NR6A1: variants seen among roughly 807,000 people sequenced by gnomAD.
NR6A1 encodes the protein nuclear receptor subfamily 6 group A member 1, also known as retinoic acid receptor-related testis-associated receptor.
NR6A1 carries 7 observed loss-of-function variants against 59.1 expected under a neutral mutation model. That is an observed-to-expected ratio of 0.12 (90% CI 0.07 to 0.22). The LOEUF is 0.22. Ranked by LOEUF, NR6A1 falls within the 10% of genes least tolerant of loss-of-function variation. NR6A1 has a pLI of 1.00. For missense variants in NR6A1, 468 were observed against 611.6 expected, an observed-to-expected ratio of 0.77 and a Z score of 2.48; for synonymous variants, 243 against 236.1, an observed-to-expected ratio of 1.03 and a Z score of -0.27.
At chr9:124,724,920 A>C (rs142607629) in intron 2 of NR6A1, among the ~76,000 whole-genome samples, 2 of 152,340 alleles carry the variant, frequency 1.3e-5, no homozygotes, top group East Asian at 3.9e-4. Context: ...ATGGGACAGA[A>C]ATCAGAGCAA....
chr9:124,654,500 A>G (rs1279680516), intron 2 of NR6A1, among the ~76,000 whole-genome samples: 1 of 152,112 alleles, frequency 6.6e-6, no homozygotes, highest in Non-Finnish European at 1.5e-5. Context: ...CCTCAAGCAC[A>G]CTAAGCTCAA....
At chr9:124,623,291 GAAGGA>G (rs1372144559) in intron 2 of NR6A1, among the ~76,000 whole-genome samples, 3 of 152,074 alleles carry the variant, frequency 2.0e-5, no homozygotes, top group Non-Finnish European at 4.4e-5. Context: ...AAAGAGCTAG[GAAGGA>G]AAGGAGATTC....
At chr9:124,737,051 C>T (rs1276579470) in intron 1 of NR6A1, among the ~76,000 whole-genome samples, 1 of 152,088 alleles carries the variant, frequency 6.6e-6, no homozygotes, top group Non-Finnish European at 1.5e-5. Flanking sequence ...GGATGGAACC[C>T]TAATATCACT....
intron 3 of NR6A1, 48 bp from the exon 4 acceptor site, chr9:124,543,905 T>C (rs1833519105): frequency 5.9e-6 from 9 of 1,530,716 alleles, no homozygotes; most frequent in Non-Finnish European, 7.2e-6. Flanking sequence ...CACACTCATA[T>C]AAGTCTTAGC....
intron 2 of NR6A1, among the ~76,000 whole-genome samples, chr9:124,696,307 G>A (rs1838758334): frequency 6.6e-6 from 1 of 152,092 alleles, no homozygotes. Flanking sequence ...AAGTTAGCAG[G>A]GGTAGAACTG....
chr9:124,589,566 T>G (rs1835048136), intron 2 of NR6A1, among the ~76,000 whole-genome samples: 1 of 152,280 alleles, frequency 6.6e-6, no homozygotes, highest in Non-Finnish European at 1.5e-5. Flanking sequence ...TACCACCTAC[T>G]GGTTGCCAAG....
At chr9:124,724,938 A>G (rs1003340394) in intron 2 of NR6A1, among the ~76,000 whole-genome samples, 1 of 152,228 alleles carries the variant, frequency 6.6e-6, no homozygotes, top group Non-Finnish European at 1.5e-5. Flanking sequence ...CAAGTCCTGA[A>G]GTCACAGGTC....
chr9:124,627,289 T>C (rs1345632998), intron 2 of NR6A1, among the ~76,000 whole-genome samples: 1 of 152,150 alleles, frequency 6.6e-6, no homozygotes, highest in East Asian at 1.9e-4. Context: ...AACTACAGGA[T>C]AGCCATATTA....
At chr9:124,595,776 T>G (rs1835254784) in intron 2 of NR6A1, 2 of 1,289,212 alleles carry the variant, frequency 1.6e-6, no homozygotes, top group Non-Finnish European at 2.0e-6. Context: ...TCATGCTTCT[T>G]GTAGTCTGCT....
intron 2 of NR6A1, among the ~76,000 whole-genome samples, chr9:124,600,475 A>G (rs1835415670): frequency 6.6e-6 from 1 of 152,226 alleles, no homozygotes; most frequent in South Asian, 2.1e-4. Context: ...ATTGGAAACT[A>G]AAATAAAATA....
intron 1 of NR6A1, among the ~76,000 whole-genome samples, chr9:124,748,773 G>T (rs938538998): frequency 2.6e-5 from 4 of 151,786 alleles, no homozygotes; most frequent in African/African-American, 7.3e-5. Flanking sequence ...GCTGAGGCAG[G>T]AGAATGGCAT....
intron 2 of NR6A1, among the ~76,000 whole-genome samples, chr9:124,630,040 AAGAG>A (rs974886426): frequency 3.2e-4 from 49 of 152,210 alleles, no homozygotes; most frequent in African/African-American, 1.1e-3. Context: ...ACATGTTATC[AAGAG>A]AGAAAGTAAT....
At chr9:124,581,541 G>A (rs572242744) in intron 2 of NR6A1, among the ~76,000 whole-genome samples, 20 of 152,198 alleles carry the variant, frequency 1.3e-4, no homozygotes, top group East Asian at 1.2e-3. Context: ...GCAGTGAGCC[G>A]AGATCACGCC....
chr9:124,535,983 T>C lies in NR6A1; in HGVS notation c.974A>G (p.Gln325Arg), dbSNP rs147044555. 1.9e-5 allele frequency: 30 copies of C among 1,614,198 alleles called. No individual in the cohort carries two copies. The African/African-American group carries it at 3.9e-4, about 21-fold the overall frequency. Residue 325 changes from glutamine (Q) to arginine (R), a missense_variant, in exon 7 of 10, where the codon CAG becomes CGG. Coordinates refer to ENST00000487099, the MANE Select transcript of NR6A1 (RefSeq NM_033334.4). ...DYTCLLSSTW[Q>R]ELILLSSLTV... ...GAGGGAAGACAGCAGGATTAGCTCC[T>C]GCCACGTAGAGCTCAAGAGGCACGT...
chr9:124,732,456 A>G (rs1227926918), intron 2 of NR6A1, among the ~76,000 whole-genome samples: 1 of 152,226 alleles, frequency 6.6e-6, no homozygotes, highest in Non-Finnish European at 1.5e-5. Context: ...AATGCAAATG[A>G]TTATCTATGA....
intron 3 of NR6A1, among the ~76,000 whole-genome samples, chr9:124,545,041 G>A (rs375346139): frequency 1.2e-4 from 19 of 152,306 alleles, no homozygotes; most frequent in African/African-American, 4.1e-4. Flanking sequence ...TCCCCAGGCA[G>A]GGACTGATTG....
chr9:124,748,874 A>C (rs1840413628), intron 1 of NR6A1, among the ~76,000 whole-genome samples: 1 of 151,978 alleles, frequency 6.6e-6, no homozygotes, highest in African/African-American at 2.4e-5. Flanking sequence ...CAAAAAAAAA[A>C]AAAAAAGAAC....
chr9:124,554,677 G>A (rs1833877471), intron 2 of NR6A1, 107 bp from the exon 3 acceptor site: 3 of 1,430,440 alleles, frequency 2.1e-6, no homozygotes, highest in Admixed American at 3.7e-5. Flanking sequence ...CTATCTCCAG[G>A]CTAAAGGGCA....
chr9:124,709,354 A>G (rs1267324576), intron 2 of NR6A1, among the ~76,000 whole-genome samples: 1 of 152,214 alleles, frequency 6.6e-6, no homozygotes, highest in Admixed American at 6.5e-5. Context: ...ATCTGGGCTT[A>G]TACTCCTTCC....
Sources: gnomAD v4.1 joint callset for allele counts (sites outside exome capture counted in the v4.1 genomes callset) on GRCh38, gnomAD v4.1.1 for gene constraint, MANE v1.5 for transcripts, NCBI Gene and HGNC (gene_info 2026-07-23, HGNC 2026-07-21) for gene names.